CWH43: variants seen among roughly 807,000 people sequenced by gnomAD.
The protein encoded by CWH43 is PGAP2-interacting protein.
CWH43 carries 91 observed loss-of-function variants against 85.7 expected under a neutral mutation model. The ratio of observed to expected loss-of-function variants is 1.06; its 90% CI spans 0.90 to 1.26. The LOEUF (loss-of-function observed/expected upper bound fraction) is 1.26, where lower values mean the gene tolerates loss of function less well. Ranked by LOEUF, CWH43 falls within the 50% of genes most tolerant of loss-of-function variation. The probability of loss-of-function intolerance (pLI) is 0.00; values close to 1 mark genes in which losing one functional copy is unlikely to be tolerated. For synonymous variants in CWH43, 323 were observed against 293.6 expected (o/e 1.10, Z -1.02); for missense variants, 869 against 839.2 (o/e 1.04, Z -0.44).
chr4:48,986,841 A>T, intron 1 of CWH43: 1 of 1,036,918 alleles, frequency 9.6e-7, no homozygotes, highest in Non-Finnish European at 1.2e-6. Flanking sequence ...AATACAGTTC[A>T]GTGCTGAACT....
Position 48,992,028 on chromosome 4 carries a change from A to G in CWH43, c.449A>G (p.Gln150Arg), listed in dbSNP as rs2109742602. The change falls in exon 4 of 16, where the codon CAG (glutamine) becomes CGG (arginine). Residue 150 changes from glutamine to arginine, a missense_variant. Around this residue, in one of 3 missense-constraint regions of CWH43, gnomAD observed 152 missense variants for 203.6 expected, o/e 0.75. Coordinates refer to ENST00000226432, the MANE Select transcript of CWH43 (RefSeq NM_025087.3). The surrounding 1 kb of genome is among the most constrained non-coding windows in gnomAD (Gnocchi z 4.3). ...TCACTAAACCCAATCTGGAGTTATC[A>G]GATGTCCAACAAAGTGATACTGACA... ...YTSLNPIWSY[Q>R]MSNKVILTLS... 6.2e-7 allele frequency: 1 copy of G among 1,614,046 alleles called. No homozygotes were observed.
intron 10 of CWH43, among the ~76,000 whole-genome samples, chr4:49,029,903 G>A (rs935519369): frequency 4.3e-4 from 65 of 152,308 alleles, no homozygotes; most frequent in African/African-American, 1.5e-3. Flanking sequence ...TGCTGAGATA[G>A]TGAAAATAGT....
At chr4:49,026,504 C>T (rs1297351443) in intron 9 of CWH43, among the ~76,000 whole-genome samples, 2 of 152,152 alleles carry the variant, frequency 1.3e-5, no homozygotes, top group South Asian at 4.1e-4. Context: ...CATTTTCCTG[C>T]CATCCCCAAT....
intron 9 of CWH43, among the ~76,000 whole-genome samples, chr4:49,024,757 A>T (rs1340405619): frequency 6.6e-6 from 1 of 152,054 alleles, no homozygotes; most frequent in Non-Finnish European, 1.5e-5. Context: ...AGGTTACCTG[A>T]TATTTTTGCC....
rs1782494083 is a variant in CWH43 at position 48,986,370 on chromosome 4, C to T, written c.-60C>T. 4.0e-6 allele frequency: 6 copies of T among 1,504,472 alleles called. No individual in the cohort carries two copies. The East Asian group carries it at 9.9e-5, about 25-fold the overall frequency. The allele number at this position is 1,504,472 out of a possible 1,614,324, so 93.2% of individuals were successfully genotyped here. A position where few individuals can be genotyped will look rare whatever the true frequency, so the allele number is the denominator to read the frequency against. On this transcript the variant is annotated 5_prime_UTR_variant, in exon 1 of 16. Coordinates refer to ENST00000226432, the MANE Select transcript of CWH43 (RefSeq NM_025087.3). ...GCGGCGGGAACCTGGGGGCGCAGGG[C>T]TAGGGCAGCGGGCCCGACCCGCACG...
chr4:49,031,063 C>A lies in CWH43; in HGVS notation c.1508+103C>A, dbSNP rs1784081856. 4.6e-6 allele frequency: 5 copies of A among 1,094,782 alleles called. No homozygotes were observed. The Admixed American group carries it at 8.3e-5, about 18-fold the overall frequency. 67.8% of individuals were successfully genotyped at this position (1,094,782 alleles called of 1,614,324 possible). On this transcript the variant is annotated intron_variant, in intron 11 of 15. Coordinates refer to ENST00000226432, the MANE Select transcript of CWH43 (RefSeq NM_025087.3). Reference sequence around the variant, plus strand: ...ATTGTAATATCTTTGGTGAATGTGCCCCAGTGATGCTTCTTGGGGGATGAG... The same window carrying A: ...ATTGTAATATCTTTGGTGAATGTGCACCAGTGATGCTTCTTGGGGGATGAG...
At chr4:49,041,341 G>A (rs1784455864) in intron 13 of CWH43, among the ~76,000 whole-genome samples, 1 of 152,136 alleles carries the variant, frequency 6.6e-6, no homozygotes, top group African/African-American at 2.4e-5. Context: ...GGGCAGTGTG[G>A]CCATTTTCAC....
Position 49,017,153 on chromosome 4 carries a change from A to G in CWH43, c.1187-96A>G, listed in dbSNP as rs1268359628. On this transcript the variant is annotated intron_variant, in intron 8 of 15. Coordinates refer to ENST00000226432, the MANE Select transcript of CWH43 (RefSeq NM_025087.3). ...CAAGAAGAACTTCCTGGAGGGTGCC[A>G]TGGCACTGGAGCTGAGGCACTGAAG... The G allele has an allele frequency of 6.0e-6, 6 of 1,002,338 alleles. No homozygotes were observed. The African/African-American group carries it at 6.5e-5, about 11-fold the overall frequency. The allele number at this position is 1,002,338 out of a possible 1,614,324, so 62.1% of individuals were successfully genotyped here.
chr4:48,994,374 G>A (rs1307144939), intron 4 of CWH43, among the ~76,000 whole-genome samples: 2 of 152,172 alleles, frequency 1.3e-5, no homozygotes, highest in African/African-American at 2.4e-5. Context: ...ATTTTCACCT[G>A]TTGAATTCCA....
At chr4:49,019,613 T>G (rs941954771) in intron 9 of CWH43, among the ~76,000 whole-genome samples, 5 of 152,098 alleles carry the variant, frequency 3.3e-5, no homozygotes, top group Admixed American at 6.6e-5. Flanking sequence ...AATCTCACAC[T>G]CTGTAACCCA....
At chr4:49,031,213 T>A in intron 11 of CWH43, 1 of 370,452 alleles carries the variant, frequency 2.7e-6, no homozygotes, top group South Asian at 8.1e-5. Flanking sequence ...CAAGCATGTC[T>A]GGCCTGGATG....
At chr4:49,045,658 A>G (rs1221896605) in intron 14 of CWH43, among the ~76,000 whole-genome samples, 1 of 152,202 alleles carries the variant, frequency 6.6e-6, no homozygotes, top group Non-Finnish European at 1.5e-5. Flanking sequence ...AGGCTTGTGT[A>G]AGTATGCACT....
At chr4:49,035,519 C>G (rs1169339959) in intron 12 of CWH43, among the ~76,000 whole-genome samples, 1 of 152,130 alleles carries the variant, frequency 6.6e-6, no homozygotes, top group African/African-American at 2.4e-5. Flanking sequence ...GACACAGAAC[C>G]TATGTTCTAG....
At chr4:49,039,666 G>A (rs1171673112) in intron 13 of CWH43, among the ~76,000 whole-genome samples, 1 of 151,472 alleles carries the variant, frequency 6.6e-6, no homozygotes, top group African/African-American at 2.4e-5. Flanking sequence ...ACAGGTTAAA[G>A]AGCATGGCAT....
intron 15 of CWH43, among the ~76,000 whole-genome samples, chr4:49,052,906 T>C (rs1784843519): frequency 6.6e-6 from 1 of 152,196 alleles, no homozygotes; most frequent in African/African-American, 2.4e-5. Flanking sequence ...CCTGTCTAAT[T>C]GAAACTTTGT....
chr4:48,986,476 A>G lies in CWH43; in HGVS notation c.43+4A>G. The stretch of plus-strand genomic sequence containing the variant: ...ATCCTCTTGGAGTCGCTGCTGGGTA[A>G]GCCGAAGCCCCTCGCCGCGAGTTCG... On this transcript the variant is annotated splice_donor_region_variant and intron_variant, in intron 1 of 15. Transcript: ENST00000226432. 6.4e-7 allele frequency: 1 copy of G among 1,554,414 alleles called. No homozygotes were observed. Among genetic ancestry groups the G allele is most frequent in the Non-Finnish European group, 8.7e-7 (1 of 1,148,510 alleles).
At chr4:48,999,720 C>T (rs1041876756) in intron 6 of CWH43, among the ~76,000 whole-genome samples, 2 of 152,144 alleles carry the variant, frequency 1.3e-5, no homozygotes, top group Admixed American at 6.6e-5. Flanking sequence ...CTTGCTTTTC[C>T]GTGTTTCAAA....
chr4:49,044,902 G>C (rs1784575645), intron 14 of CWH43, 55 bp downstream of exon 14: 3 of 1,445,914 alleles, frequency 2.1e-6, no homozygotes, highest in Non-Finnish European at 2.9e-6. Flanking sequence ...GATCTTTTGG[G>C]TCTGTCTGAG....
intron 6 of CWH43, 22 bp downstream of exon 6, chr4:48,998,570 A>G (rs755842629): frequency 2.6e-6 from 4 of 1,530,980 alleles, no homozygotes; most frequent in African/African-American, 1.4e-5. Flanking sequence ...TTACCTGCAG[A>G]TAGAACACGA....
Sources: allele counts gnomAD v4.1 joint callset (sites outside exome capture counted in the v4.1 genomes callset), GRCh38; gene constraint gnomAD v4.1.1; regional missense constraint gnomAD v4.1.1; non-coding constraint Gnocchi (gnomAD v3.1); transcripts MANE v1.5; gene names NCBI Gene and HGNC (gene_info 2026-07-23, HGNC 2026-07-21).